Variants in UGT1A8 observed in about 807,000 individuals in gnomAD.
UGT1A8 encodes the protein UDP-glucuronosyltransferase 1A8.
A neutral mutation model predicts 45.3 loss-of-function variants in UGT1A8; 39 were observed. The ratio of observed to expected loss-of-function variants is 0.86; its 90% CI spans 0.67 to 1.12. The LOEUF is 1.12. Ranked by LOEUF, UGT1A8 falls within the 50% of genes most tolerant of loss-of-function variation. The pLI, the probability that UGT1A8 is intolerant of heterozygous loss-of-function variation, is 0.00. For missense variants in UGT1A8, 719 were observed against 664.9 expected, an observed-to-expected ratio of 1.08 and a Z score of -0.90; for synonymous variants, 275 against 249.2, an observed-to-expected ratio of 1.10 and a Z score of -0.97.
At chr2:233,653,052 T>G (rs948389625) in intron 1 of UGT1A8, among the ~76,000 whole-genome samples, 2 of 152,152 alleles carry the variant, frequency 1.3e-5, no homozygotes, top group Admixed American at 1.3e-4. Context: ...GATGTGCAAG[T>G]AAACATGTAC....
chr2:233,657,669 G>T (rs1323554167), intron 1 of UGT1A8, among the ~76,000 whole-genome samples: 1 of 152,152 alleles, frequency 6.6e-6, no homozygotes, highest in East Asian at 1.9e-4. Context: ...TATATCATTT[G>T]ATATGGTCAG....
intron 1 of UGT1A8, among the ~76,000 whole-genome samples, chr2:233,707,183 C>T (rs192389190): frequency 1.4e-4 from 22 of 152,240 alleles, no homozygotes; most frequent in Admixed American, 5.2e-4. Context: ...TCCTGGGTGC[C>T]TGCCCTCCGT....
intron 1 of UGT1A8, among the ~76,000 whole-genome samples, chr2:233,631,002 C>T (rs998157876): frequency 2.0e-5 from 3 of 152,060 alleles, no homozygotes; most frequent in Admixed American, 6.6e-5. Flanking sequence ...CACCCCCCGA[C>T]AGGCCCTGGT....
intron 1 of UGT1A8, chr2:233,637,102 C>G (rs1379149606): frequency 1.2e-6 from 2 of 1,613,954 alleles, no homozygotes; most frequent in East Asian, 4.5e-5. Flanking sequence ...CCCCAATGAT[C>G]TCTTAGGGTT....
intron 1 of UGT1A8, among the ~76,000 whole-genome samples, chr2:233,641,943 C>T (rs751344788): frequency 3.3e-5 from 5 of 152,028 alleles, no homozygotes; most frequent in Non-Finnish European, 7.4e-5. Context: ...TTTCTTTATC[C>T]TTGACCTTTG....
intron 1 of UGT1A8, among the ~76,000 whole-genome samples, chr2:233,732,777 G>A: frequency 7.1e-6 from 1 of 141,314 alleles, no homozygotes; most frequent in Non-Finnish European, 1.5e-5. Flanking sequence ...TTTTTGCTTA[G>A]GATTGTCTTG....
intron 1 of UGT1A8, among the ~76,000 whole-genome samples, chr2:233,701,754 TA>T (rs1256894666): frequency 6.6e-6 from 1 of 152,102 alleles, no homozygotes; most frequent in Admixed American, 6.5e-5. Context: ...ACTGGGTACA[TA>T]ACGAAATGAA....
intron 1 of UGT1A8, among the ~76,000 whole-genome samples, chr2:233,738,560 A>T (rs943884340): frequency 6.6e-6 from 1 of 152,198 alleles, no homozygotes; most frequent in Non-Finnish European, 1.5e-5. Flanking sequence ...AGAGATGAGG[A>T]ATCTGTTGAG....
Position 233,617,940 on chromosome 2 carries a change from C to G in UGT1A8, c.233C>G (p.Ser78Ter), listed in dbSNP as rs200115254. 6.2e-7 allele frequency: 1 copy of G among 1,614,174 alleles called. No homozygotes were observed. The highest frequency in any genetic ancestry group is 1.6e-4 in the Middle Eastern group (1 of 6,062). ...CTGAATTGCACAGTGAAGACTTACTCAACCTCATACACTCTGGAGGATCTG... is the reference window on the plus strand; with the variant it reads ...CTGAATTGCACAGTGAAGACTTACTGAACCTCATACACTCTGGAGGATCTG... ...KSLNCTVKTYSTSYTLEDLDR... is the reference protein window; with the variant it reads ...KSLNCTVKTY The change falls in exon 1 of 5, where the codon TCA becomes TGA. Residue 78 changes from serine to a stop codon, truncating the protein, a stop_gained. Transcript: ENST00000373450. LOFTEE classifies it high-confidence loss of function.
rs766039492 is a variant in UGT1A8, at chr2:233,760,243, T to C, written c.856-6791T>C. The C allele has an allele frequency of 1.9e-6, 3 of 1,608,014 alleles. No homozygotes were observed. In the Admixed American group the frequency reaches 5.0e-5, roughly 27 times the overall value. ...TCGATTGGTTTTTGCCATATATATATATATAAGTAGGAGAGGGCGAACCTC... is the reference window on the plus strand; with the variant it reads ...TCGATTGGTTTTTGCCATATATATACATATAAGTAGGAGAGGGCGAACCTC... On this transcript the variant is annotated intron_variant, in intron 1 of 4. Coordinates refer to ENST00000373450, the MANE Select transcript of UGT1A8 (RefSeq NM_019076.5).
chr2:233,707,291 A>G (rs1422341109), intron 1 of UGT1A8, among the ~76,000 whole-genome samples: 1 of 152,142 alleles, frequency 6.6e-6, no homozygotes, highest in Non-Finnish European at 1.5e-5. Context: ...GCACACATGC[A>G]GGATGTGCAG....
chr2:233,689,331 T>G (rs2074938203), intron 1 of UGT1A8, among the ~76,000 whole-genome samples: 1 of 152,238 alleles, frequency 6.6e-6, no homozygotes, highest in African/African-American at 2.4e-5. Context: ...CACTGAGATT[T>G]GCAATGGGAG....
intron 4 of UGT1A8, 68 bp from the exon 5 acceptor site, chr2:233,772,194 T>G (rs921300076): frequency 1.9e-6 from 3 of 1,602,000 alleles, no homozygotes; most frequent in African/African-American, 2.7e-5. Context: ...TAAGCAGCCA[T>G]GAGCATAAAG....
intron 1 of UGT1A8, among the ~76,000 whole-genome samples, chr2:233,709,056 C>T (rs1379760396): frequency 3.9e-5 from 6 of 152,080 alleles, no homozygotes; most frequent in Admixed American, 1.3e-4. Context: ...CCCAGGATTC[C>T]TAGTTAAAGT....
intron 1 of UGT1A8, among the ~76,000 whole-genome samples, chr2:233,683,711 T>G (rs1400745268): frequency 6.6e-6 from 1 of 152,184 alleles, no homozygotes; most frequent in African/African-American, 2.4e-5. Flanking sequence ...TTTGAAACCA[T>G]TATGTGCAAG....
At chr2:233,693,920 C>G in intron 1 of UGT1A8, 1 of 1,611,066 alleles carries the variant, frequency 6.2e-7, no homozygotes, top group Non-Finnish European at 8.5e-7. Context: ...TCTGTCCTCC[C>G]TCACTCATTT....
At chr2:233,691,686 G>A (rs1176171768) in intron 1 of UGT1A8, 5 of 955,192 alleles carry the variant, frequency 5.2e-6, no homozygotes, top group East Asian at 1.2e-4. Context: ...GAAACCTGAA[G>A]CTCAGGAGAG....
intron 1 of UGT1A8, among the ~76,000 whole-genome samples, chr2:233,751,216 T>G (rs569696168): frequency 6.6e-6 from 1 of 152,100 alleles, no homozygotes; most frequent in East Asian, 1.9e-4. Flanking sequence ...CTTTAAGATT[T>G]AATGACTGCC....
chr2:233,633,825 C>G (rs1184833416), intron 1 of UGT1A8, among the ~76,000 whole-genome samples: 1 of 152,016 alleles, frequency 6.6e-6, no homozygotes, highest in Non-Finnish European at 1.5e-5. Context: ...CTGCTCTGAT[C>G]TTAGTTTTTT....
Sources: allele counts gnomAD v4.1 joint callset (sites outside exome capture counted in the v4.1 genomes callset), GRCh38; gene constraint gnomAD v4.1.1; transcripts MANE v1.5; gene names NCBI Gene and HGNC (gene_info 2026-07-23, HGNC 2026-07-21).